The following NLRP11 variants were observed in gnomAD, a reference collection of about 807,000 sequenced individuals.
NLRP11 encodes NLR family pyrin domain containing 11, also known as NACHT, LRR and PYD domains-containing protein 11.
A neutral mutation model predicts 79.3 loss-of-function variants in NLRP11; 53 were observed. The ratio of observed to expected loss-of-function variants is 0.67; its 90% CI spans 0.54 to 0.84. NLRP11 has a LOEUF of 0.84. Ranked by LOEUF, NLRP11 falls within the 40% of genes least tolerant of loss-of-function variation. The pLI is 0.00. For missense variants in NLRP11, 1,264 were observed against 1,255.0 expected, an observed-to-expected ratio of 1.01 and a Z score of -0.11; for synonymous variants, 518 against 462.6, an observed-to-expected ratio of 1.12 and a Z score of -1.54.
In NLRP11 at chr19:55,809,283, T is replaced by C. The variant is rs764210174; in HGVS notation, c.1327A>G (p.Lys443Glu). ...AAGTGTATGAACTTGTAACGGTCTTTATGAGTGTTGCTCGGCAAAAGAATA... is the reference window on the plus strand; with the variant it reads ...AAGTGTATGAACTTGTAACGGTCTTCATGAGTGTTGCTCGGCAAAAGAATA... The change falls in exon 3 of 10, where the codon AAA (lysine) becomes GAA (glutamate). Residue 443 changes from lysine to glutamate, a missense_variant. By Grantham distance (56) the Lys-to-Glu change is moderately conservative (BLOSUM62 1). Coordinates refer to ENST00000589093, the Ensembl canonical transcript of NLRP11. The surrounding 1 kb of genome is among the most constrained non-coding windows in gnomAD (Gnocchi z 4.5). 3.7e-6 allele frequency: 6 copies of C among 1,613,940 alleles called. No individual in the cohort carries two copies. The highest frequency in any genetic ancestry group is 5.1e-6 in the Non-Finnish European group (6 of 1,179,926).
intron 1 of NLRP11, among the ~76,000 whole-genome samples, chr19:55,822,057 G>C (rs557620268): frequency 2.6e-5 from 4 of 152,154 alleles, no homozygotes; most frequent in Non-Finnish European, 4.4e-5. Context: ...TCAGGAGTCC[G>C]AGACTAGCCG....
chr19:55,792,256 A>T (rs2122721793), intron 7 of NLRP11, 45 bp downstream of exon 7: 1 of 1,558,440 alleles, frequency 6.4e-7, no homozygotes, highest in East Asian at 2.2e-5. Context: ...CCAAGCCCTC[A>T]TGCAGTAGAA....
In NLRP11 at chr19:55,808,458, T is replaced by C. The variant is rs1411702507; in HGVS notation, c.1841+311A>G. Among the ~76,000 whole-genome samples the C allele has an allele frequency of 2.0e-5, 3 of 151,992 alleles. No homozygotes were observed. In the East Asian group the frequency reaches 5.8e-4, roughly 29 times the overall value. Reference sequence around the variant, plus strand: ...GTGATGTATAAGATTTTTGTTGCTGTCACAAACGGGGAAAAGGGGACCCTA... The same window carrying C: ...GTGATGTATAAGATTTTTGTTGCTGCCACAAACGGGGAAAAGGGGACCCTA... On this transcript the variant is annotated intron_variant, in intron 3 of 9. Transcript: ENST00000589093.
Position 55,807,845 on chromosome 19 carries a change from G to C in NLRP11, c.2003+8C>G. 1 of 1,596,286 alleles carries C rather than the reference G, an allele frequency of 6.3e-7. No homozygotes were observed. Among genetic ancestry groups the C allele is most frequent in the Non-Finnish European group, 8.6e-7 (1 of 1,166,714 alleles). ...AACCTCTAAGGCAGAGGTTGATATA[G>C]TACTTACTTGAGTGTGCGAAGTTTA... On this transcript the variant is annotated splice_region_variant and intron_variant, in intron 4 of 9. Coordinates refer to ENST00000589093, the Ensembl canonical transcript of NLRP11.
chr19:55,796,531 C>T (rs1308159704), intron 5 of NLRP11, among the ~76,000 whole-genome samples: 1 of 152,080 alleles, frequency 6.6e-6, no homozygotes, highest in Non-Finnish European at 1.5e-5. Flanking sequence ...AACGGTAAGT[C>T]AGGTATCAAG....
At chr19:55,790,188 T>TA (rs1990150644) in intron 7 of NLRP11, among the ~76,000 whole-genome samples, 1 of 152,182 alleles carries the variant, frequency 6.6e-6, no homozygotes, top group Non-Finnish European at 1.5e-5. Context: ...CACTCCTGAT[T>TA]ACGTGCCCTT....
intron 5 of NLRP11, among the ~76,000 whole-genome samples, chr19:55,798,622 C>T (rs1031267111): frequency 2.0e-5 from 3 of 152,068 alleles, no homozygotes; most frequent in Admixed American, 2.0e-4. Context: ...ACAAGTTTAC[C>T]TGTGTAACAA....
chr19:55,789,206 A>G (rs1233099390), intron 8 of NLRP11, 23 bp downstream of exon 8: 3 of 1,592,256 alleles, frequency 1.9e-6, no homozygotes, highest in Admixed American at 1.8e-5. Context: ...AAAGGCAGGG[A>G]TCTTTCTCCA....
intron 1 of NLRP11, among the ~76,000 whole-genome samples, chr19:55,819,865 G>GA (rs1208305107): frequency 6.6e-6 from 1 of 152,196 alleles, no homozygotes; most frequent in African/African-American, 2.4e-5. Context: ...ATGCCTACCT[G>GA]AAGGGAAGAA....
upstream of NLRP11, chr19:55,832,813 G>A (rs887479718): frequency 2.6e-5 from 4 of 152,166 alleles, no homozygotes; most frequent in East Asian, 1.9e-4. Context: ...ACGGGAAAGT[G>A]ATGAAAGAAT....
At chr19:55,835,866 G>A (rs528937239), upstream of NLRP11, among the ~76,000 whole-genome samples, 2 of 151,964 alleles carry the variant, frequency 1.3e-5, no homozygotes, top group Non-Finnish European at 2.9e-5. Context: ...GCTCATGCCT[G>A]TAATCCCAGC....
At chr19:55,828,519 C>A (rs904382054) in intron 1 of NLRP11, among the ~76,000 whole-genome samples, 3 of 152,128 alleles carry the variant, frequency 2.0e-5, no homozygotes, top group Admixed American at 2.0e-4. Context: ...AATTTTAAAT[C>A]CCAGGAGAGC....
intron 1 of NLRP11, among the ~76,000 whole-genome samples, chr19:55,822,112 T>C (rs2122894515): frequency 6.6e-6 from 1 of 151,938 alleles, no homozygotes; most frequent in South Asian, 2.1e-4. Context: ...TACAAAAAAA[T>C]TAGGCAAGCA....
At chr19:55,798,606 C>A (rs1330852967) in intron 5 of NLRP11, among the ~76,000 whole-genome samples, 1 of 152,224 alleles carries the variant, frequency 6.6e-6, no homozygotes, top group South Asian at 2.1e-4. Flanking sequence ...CACTAACTCC[C>A]ATGACACAAG....
intron 9 of NLRP11, among the ~76,000 whole-genome samples, chr19:55,786,864 A>G (rs1989911556): frequency 6.6e-6 from 1 of 152,220 alleles, no homozygotes; most frequent in Non-Finnish European, 1.5e-5. Flanking sequence ...AGAATAAGCA[A>G]TTTGGAAAAT....
intron 6 of NLRP11, among the ~76,000 whole-genome samples, chr19:55,793,085 G>T (rs1218811721): frequency 6.6e-6 from 1 of 151,940 alleles, no homozygotes; most frequent in Non-Finnish European, 1.5e-5. Context: ...TCACTGTGTT[G>T]CCCAGGCTGG....
intron 9 of NLRP11, among the ~76,000 whole-genome samples, chr19:55,788,337 C>A (rs1174323428): frequency 1.3e-5 from 2 of 151,240 alleles, no homozygotes; most frequent in Admixed American, 1.3e-4. Flanking sequence ...ACGAGGCATA[C>A]ATTTTCAATC....
intron 5 of NLRP11, among the ~76,000 whole-genome samples, chr19:55,796,987 TCTAA>T (rs1334102189): frequency 3.3e-5 from 5 of 152,018 alleles, no homozygotes; most frequent in African/African-American, 2.4e-5. Context: ...CTGTGTCCGG[TCTAA>T]CTTTCTATTC....
At chr19:55,798,068 C>T (rs542148932) in intron 5 of NLRP11, among the ~76,000 whole-genome samples, 12 of 148,152 alleles carry the variant, frequency 8.1e-5, no homozygotes, top group Non-Finnish European at 1.3e-4. Context: ...GGTGTGATCT[C>T]GGCTCACCGC....
Sources: allele counts gnomAD v4.1 joint callset (sites outside exome capture counted in the v4.1 genomes callset), GRCh38; gene constraint gnomAD v4.1.1; non-coding constraint Gnocchi (gnomAD v3.1); transcripts MANE v1.5; gene names NCBI Gene and HGNC (gene_info 2026-07-23, HGNC 2026-07-21).